The following NKAIN3 variants were observed in gnomAD, a reference collection of about 807,000 sequenced individuals.
NKAIN3 encodes the protein sodium/potassium-transporting ATPase subunit beta-1-interacting protein 3.
A neutral mutation model predicts 30.2 loss-of-function variants in NKAIN3; 25 were observed. The observed-to-expected ratio is 0.83, with a 90% CI of 0.60 to 1.16. The LOEUF is 1.16. Among genes scored for constraint, NKAIN3 ranks in the 50% most tolerant of loss-of-function variants. The pLI is 0.00. For missense variants in NKAIN3, 225 were observed against 254.1 expected (o/e 0.89, Z 0.78); for synonymous variants, 91 against 89.6 (o/e 1.02, Z -0.09).
intron 3 of NKAIN3, among the ~76,000 whole-genome samples, chr8:62,705,441 C>CTT (rs1814487924): frequency 1.3e-5 from 2 of 152,140 alleles, no homozygotes; most frequent in Non-Finnish European, 2.9e-5. Flanking sequence ...AAGCGGGGCT[C>CTT]TTTACAGGCA....
chr8:62,375,625 C>A (rs1202740466), intron 1 of NKAIN3, among the ~76,000 whole-genome samples: 1 of 152,082 alleles, frequency 6.6e-6, no homozygotes, highest in Non-Finnish European at 1.5e-5. Context: ...ACCTAAATTA[C>A]CAATCGGAGA....
chr8:62,847,643 T>C (rs1049941298), intron 4 of NKAIN3, among the ~76,000 whole-genome samples: 1 of 152,174 alleles, frequency 6.6e-6, no homozygotes. Context: ...GTATTTGCTC[T>C]GTTGATAGTA....
chr8:62,444,596 C>A (rs547273156), intron 1 of NKAIN3, among the ~76,000 whole-genome samples: 2 of 152,136 alleles, frequency 1.3e-5, no homozygotes, highest in Non-Finnish European at 2.9e-5. Flanking sequence ...TATATATACA[C>A]CACATTTTCT....
chr8:62,898,313 T>C (rs1821500453), intron 4 of NKAIN3, among the ~76,000 whole-genome samples: 2 of 152,144 alleles, frequency 1.3e-5, no homozygotes, highest in Admixed American at 6.6e-5. Flanking sequence ...GAAACCAACC[T>C]AAGTGTCCAT....
chr8:62,630,770 CTCTG>C (rs764451649), intron 3 of NKAIN3, among the ~76,000 whole-genome samples: 3 of 152,156 alleles, frequency 2.0e-5, no homozygotes, highest in Non-Finnish European at 4.4e-5. Flanking sequence ...AAAGCACTCC[CTCTG>C]TCTGACTCAG....
chr8:62,807,991 A>G (rs1338705245), intron 4 of NKAIN3, among the ~76,000 whole-genome samples: 3 of 152,034 alleles, frequency 2.0e-5, no homozygotes, highest in Non-Finnish European at 4.4e-5. Flanking sequence ...AAAAAGACAT[A>G]TACTTGATTT....
At chr8:62,904,906 A>G (rs1211987148) in intron 4 of NKAIN3, among the ~76,000 whole-genome samples, 1 of 152,204 alleles carries the variant, frequency 6.6e-6, no homozygotes, top group East Asian at 1.9e-4. Flanking sequence ...GTGTCAAAGT[A>G]GAGGAAGAAG....
At chr8:62,696,935 T>C (rs921557981) in intron 3 of NKAIN3, among the ~76,000 whole-genome samples, 1 of 152,216 alleles carries the variant, frequency 6.6e-6, no homozygotes. Context: ...CTCTTTGATA[T>C]GCTCTGTTAC....
At chr8:62,684,608 T>A (rs1436193580) in intron 3 of NKAIN3, among the ~76,000 whole-genome samples, 1 of 152,224 alleles carries the variant, frequency 6.6e-6, no homozygotes, top group Non-Finnish European at 1.5e-5. Flanking sequence ...CTAACACCTC[T>A]GTTCTCAGAT....
At chr8:62,842,837 C>T (rs533752597) in intron 4 of NKAIN3, among the ~76,000 whole-genome samples, 6 of 152,140 alleles carry the variant, frequency 3.9e-5, no homozygotes, top group African/African-American at 7.2e-5. Flanking sequence ...TAGACCCTTA[C>T]CTTACACTAT....
At chr8:62,704,751 A>G (rs1474120742) in intron 3 of NKAIN3, among the ~76,000 whole-genome samples, 7 of 152,198 alleles carry the variant, frequency 4.6e-5, no homozygotes, top group South Asian at 2.1e-4. Flanking sequence ...TTACATTTCA[A>G]TGACATTTGA....
chr8:62,297,313 T>C (rs1028122995), intron 1 of NKAIN3, among the ~76,000 whole-genome samples: 31 of 152,146 alleles, frequency 2.0e-4, no homozygotes, highest in African/African-American at 7.5e-4. Flanking sequence ...AAAGCCAAAA[T>C]TGACAAATGG....
At chr8:62,305,766 G>C (rs1585658181) in intron 1 of NKAIN3, among the ~76,000 whole-genome samples, 1 of 150,396 alleles carries the variant, frequency 6.6e-6, no homozygotes, top group Admixed American at 6.6e-5. Flanking sequence ...TCTCCTTCTG[G>C]GTCCTAAGCA....
chr8:62,704,852 C>A (rs990150979), intron 3 of NKAIN3, among the ~76,000 whole-genome samples: 3 of 152,108 alleles, frequency 2.0e-5, no homozygotes, highest in Non-Finnish European at 4.4e-5. Context: ...GCATAACTTG[C>A]AAAATTATGT....
intron 3 of NKAIN3, among the ~76,000 whole-genome samples, chr8:62,627,162 C>G (rs1811816202): frequency 6.6e-6 from 1 of 152,140 alleles, no homozygotes; most frequent in South Asian, 2.1e-4. Context: ...GGCTCTAGCA[C>G]TTAATTGTGC....
intron 1 of NKAIN3, among the ~76,000 whole-genome samples, chr8:62,500,477 GAAAGAAAGAAGA>G (rs1807405706): frequency 1.6e-5 from 2 of 121,772 alleles, no homozygotes; most frequent in African/African-American, 3.2e-5. Flanking sequence ...AAGAAAGAAA[GAAAGAAAGAAGA>G]AAAGAAAGAA....
chr8:62,392,789 G>A (rs534387025), intron 1 of NKAIN3, among the ~76,000 whole-genome samples: 9 of 152,012 alleles, frequency 5.9e-5, no homozygotes, highest in African/African-American at 2.2e-4. Context: ...ATATGGTCTT[G>A]TCATTTTTTA....
At chr8:62,833,398 T>C (rs889414971) in intron 4 of NKAIN3, among the ~76,000 whole-genome samples, 1 of 151,956 alleles carries the variant, frequency 6.6e-6, no homozygotes, top group Non-Finnish European at 1.5e-5. Flanking sequence ...AAATTGGCTC[T>C]TTCAAACAAT....
At chr8:62,822,054 T>A (rs947996308) in intron 4 of NKAIN3, among the ~76,000 whole-genome samples, 3 of 152,120 alleles carry the variant, frequency 2.0e-5, no homozygotes, top group African/African-American at 7.2e-5. Flanking sequence ...ATTTGAAGAT[T>A]CATTTTTCTC....
Sources: gnomAD v4.1 joint callset for allele counts (sites outside exome capture counted in the v4.1 genomes callset) on GRCh38, gnomAD v4.1.1 for gene constraint, MANE v1.5 for transcripts, NCBI Gene and HGNC (gene_info 2026-07-23, HGNC 2026-07-21) for gene names.